Variants in HSD17B13 observed in about 807,000 individuals in gnomAD.
HSD17B13 encodes the protein hydroxysteroid 17-beta dehydrogenase 13, also known as 17-beta-hydroxysteroid dehydrogenase 13.
A neutral mutation model predicts 31.1 loss-of-function variants in HSD17B13; 26 were observed. That is an observed-to-expected ratio of 0.84 (90% CI 0.61 to 1.16). HSD17B13 has a LOEUF of 1.16. Among genes scored for constraint, HSD17B13 ranks in the 50% most tolerant of loss-of-function variants. The probability of loss-of-function intolerance (pLI) is 0.00; values close to 1 mark genes in which losing one functional copy is unlikely to be tolerated. For synonymous variants in HSD17B13, 141 were observed against 133.7 expected (o/e 1.05, Z -0.38); for missense variants, 374 against 366.5 (o/e 1.02, Z -0.17).
intron 6 of HSD17B13, among the ~76,000 whole-genome samples, chr4:87,306,588 T>C (rs1323198422): frequency 6.6e-6 from 1 of 152,000 alleles, no homozygotes; most frequent in African/African-American, 2.4e-5. Flanking sequence ...TGTCCAGGAA[T>C]GCATAAGAGA....
At position 87,315,544 on chromosome 4, in the gene HSD17B13, G is replaced by T; in HGVS notation, c.506C>A (p.Thr169Lys). 1 of 1,612,156 alleles carries T rather than the reference G, an allele frequency of 6.2e-7. No homozygotes were observed. Among genetic ancestry groups the T allele is most frequent in the Non-Finnish European group, 8.5e-7 (1 of 1,178,418 alleles). Residue 169 changes from threonine (T) to lysine (K), a missense_variant, in exon 4 of 7, where the codon ACA becomes AAA. Transcript: ENST00000328546. ...TTCGTGGCCGCACACTGAAGCCACT[G>T]TGACGATGTGGCCATGATTTCTCTC... ...MMERNHGHIV[T>K]VASVCGHEGI...
intron 6 of HSD17B13, 54 bp from the exon 7 acceptor site, chr4:87,305,362 A>T: frequency 8.3e-7 from 1 of 1,209,824 alleles, no homozygotes; most frequent in Non-Finnish European, 1.1e-6. Context: ...ATCTTTGACA[A>T]CAGAGTTCTG....
At chr4:87,310,490 C>T in intron 5 of HSD17B13, 131 bp from the exon 6 acceptor site, 1 of 1,091,744 alleles carries the variant, frequency 9.2e-7, no homozygotes. Context: ...CCAGGATTTG[C>T]TGCATTAATG....
chr4:87,314,386 T>C (rs1321797928), intron 4 of HSD17B13, among the ~76,000 whole-genome samples: 1 of 151,822 alleles, frequency 6.6e-6, no homozygotes, highest in Non-Finnish European at 1.5e-5. Flanking sequence ...TGCTCATTTC[T>C]CCTCTCTCTC....
At chr4:87,322,586 A>C in intron 1 of HSD17B13, 46 bp downstream of exon 1, 1 of 1,340,888 alleles carries the variant, frequency 7.5e-7, no homozygotes, top group Non-Finnish European at 1.1e-6. Context: ...CTTAAAATAC[A>C]TATCTTACTC....
At chr4:87,312,675 G>A (rs1466491815) in intron 5 of HSD17B13, among the ~76,000 whole-genome samples, 2 of 150,912 alleles carry the variant, frequency 1.3e-5, no homozygotes, top group South Asian at 2.1e-4. Context: ...GACTACAGGC[G>A]CCCGCCACCA....
rs1734323160 is a variant in HSD17B13 at position 87,303,920 on chromosome 4, G to A, written c.*1298C>T. ...AATCATTTGTTTTTAATAAAAACAA[G>A]AGGATAGTCCATGCAAAAGCATTCT... is the stretch of plus-strand genomic sequence containing the variant. On this transcript the variant is annotated 3_prime_UTR_variant, in exon 7 of 7. Coordinates refer to ENST00000328546, the MANE Select transcript of HSD17B13 (RefSeq NM_178135.5). The A allele has an allele frequency of 6.6e-6, 1 of 151,988 alleles. No individual in the cohort carries two copies. Among genetic ancestry groups the A allele is most frequent in the South Asian group, 2.1e-4 (1 of 4,802 alleles). 9.4% of individuals were successfully genotyped at this position (151,988 alleles called of 1,614,324 possible).
intron 5 of HSD17B13, among the ~76,000 whole-genome samples, chr4:87,313,558 G>T (rs1014045422): frequency 3.9e-5 from 6 of 152,050 alleles, no homozygotes; most frequent in African/African-American, 1.4e-4. Flanking sequence ...GCATTTTAAA[G>T]ACAGGGTGGT....
At chr4:87,318,249 A>G (rs1365488988) in intron 2 of HSD17B13, 80 bp downstream of exon 2, 4 of 1,061,330 alleles carry the variant, frequency 3.8e-6, no homozygotes, top group African/African-American at 3.1e-5. Context: ...TCAGGCAGTC[A>G]TAAAGACCTT....
intron 6 of HSD17B13, among the ~76,000 whole-genome samples, chr4:87,308,901 C>A (rs1238815294): frequency 2.9e-5 from 3 of 104,984 alleles, no homozygotes; most frequent in African/African-American, 3.9e-5. Flanking sequence ...AAAACTTTCC[C>A]ATAAAGAAAA....
chr4:87,311,093 C>G (rs980776438), intron 5 of HSD17B13, among the ~76,000 whole-genome samples: 4 of 152,176 alleles, frequency 2.6e-5, no homozygotes, highest in African/African-American at 9.7e-5. Flanking sequence ...CTAAGAGACA[C>G]TTCCACCAGC....
chr4:87,317,013 A>C (rs1228417801), intron 3 of HSD17B13, 79 bp downstream of exon 3: 3 of 1,426,364 alleles, frequency 2.1e-6, no homozygotes, highest in African/African-American at 1.4e-5. Flanking sequence ...CCTGTCCAGA[A>C]GTATGTGAAC....
At chr4:87,316,724 T>A (rs1355932959) in intron 3 of HSD17B13, among the ~76,000 whole-genome samples, 2 of 152,144 alleles carry the variant, frequency 1.3e-5, no homozygotes, top group African/African-American at 4.8e-5. Flanking sequence ...TGAGGACACA[T>A]TACAAAATCA....
At chr4:87,319,771 T>G (rs1326644603) in intron 1 of HSD17B13, among the ~76,000 whole-genome samples, 1 of 152,232 alleles carries the variant, frequency 6.6e-6, no homozygotes, top group East Asian at 1.9e-4. Flanking sequence ...TGTACCAAAC[T>G]TGCCCATAAC....
intron 1 of HSD17B13, among the ~76,000 whole-genome samples, chr4:87,321,545 T>C (rs1734787329): frequency 6.6e-6 from 1 of 152,210 alleles, no homozygotes; most frequent in Non-Finnish European, 1.5e-5. Flanking sequence ...AACAATTTTC[T>C]CTATTTGTAA....
chr4:87,316,925 C>A (rs1356685747), intron 3 of HSD17B13, among the ~76,000 whole-genome samples, 167 bp downstream of exon 3: 2 of 152,148 alleles, frequency 1.3e-5, no homozygotes, highest in African/African-American at 2.4e-5. Context: ...ATTCTGTGTC[C>A]TTGTGTCAGA....
At chr4:87,308,780 A>G (rs1304624083) in intron 6 of HSD17B13, among the ~76,000 whole-genome samples, 1 of 151,398 alleles carries the variant, frequency 6.6e-6, no homozygotes, top group African/African-American at 2.4e-5. Flanking sequence ...TGCCAAAGAA[A>G]TTCTACAACT....
intron 4 of HSD17B13, among the ~76,000 whole-genome samples, 197 bp downstream of exon 4, chr4:87,315,296 C>T (rs1348476885): frequency 6.6e-6 from 1 of 152,200 alleles, no homozygotes; most frequent in African/African-American, 2.4e-5. Flanking sequence ...GGCCCACTCC[C>T]ACCCTGTAAA....
chr4:87,313,706 A>T, intron 5 of HSD17B13, 117 bp downstream of exon 5: 1 of 805,800 alleles, frequency 1.2e-6, no homozygotes, highest in Non-Finnish European at 1.9e-6. Context: ...AATAATAAGA[A>T]AAATTATTTT....
Sources: allele counts gnomAD v4.1 joint callset (sites outside exome capture counted in the v4.1 genomes callset), GRCh38; gene constraint gnomAD v4.1.1; transcripts MANE v1.5; gene names NCBI Gene and HGNC (gene_info 2026-07-23, HGNC 2026-07-21).